The following ZNF534 variants were observed in gnomAD, a reference collection of about 807,000 sequenced individuals.
The protein encoded by ZNF534 is KRAB domain only 3.
A neutral mutation model predicts 13.6 loss-of-function variants in ZNF534; 19 were observed. The observed-to-expected ratio is 1.40, with a 90% CI of 0.97 to 2.05. The LOEUF (loss-of-function observed/expected upper bound fraction) is 2.05. Among genes scored for constraint, ZNF534 ranks in the 30% most tolerant of loss-of-function variants. The probability of loss-of-function intolerance (pLI) is 0.00; values close to 1 mark genes in which losing one functional copy is unlikely to be tolerated. For missense variants in ZNF534, 782 were observed against 796.3 expected (o/e 0.98, Z 0.22); for synonymous variants, 244 against 273.8 (o/e 0.89, Z 1.07).
At position 52,442,149 on chromosome 19, in the gene ZNF534, T is replaced by A. The variant is rs1283634979; in HGVS notation, c.*2703T>A. On this transcript the variant is annotated 3_prime_UTR_variant, in exon 5 of 5. Transcript: ENST00000433050. ...GAAAAGGATTTAATTATTGTTTTCTTTTTTCCTAAAAGTGTTGGGAACAGG... is the reference window on the plus strand; with the variant it reads ...GAAAAGGATTTAATTATTGTTTTCTATTTTCCTAAAAGTGTTGGGAACAGG... Among the ~76,000 whole-genome samples, 1 of 152,184 alleles carries A rather than the reference T, an allele frequency of 6.6e-6. No individual in the cohort carries two copies. The highest frequency in any genetic ancestry group is 1.5e-5 in the Non-Finnish European group (1 of 68,042).
At position 52,442,494 on chromosome 19, in the gene ZNF534, ACT is replaced by A. The variant is rs1491352362; in HGVS notation, c.*3051_*3052del. On this transcript the variant is annotated 3_prime_UTR_variant, in exon 5 of 5. Coordinates refer to ENST00000433050, the MANE Select transcript of ZNF534 (RefSeq NM_001143938.3). ...TGCTCTCAATAAATATGTGGGTCAA[ACT>A]CTGTTCATGGCTCTCAGCTCTGAAG... Among the ~76,000 whole-genome samples the A allele has an allele frequency of 2.6e-5, 4 of 152,332 alleles. No homozygotes were observed. In the South Asian group the frequency reaches 8.3e-4, roughly 32 times the overall value.
rs774033352 is a variant in ZNF534, at chr19:52,440,833, C to T, written c.*1387C>T. ...GGAAGCGTTACAAATGTAATGAATG[C>T]GGCAGAGCATTGAGAAGGTGTTCAG... is the stretch of plus-strand genomic sequence containing the variant. On this transcript the variant is annotated 3_prime_UTR_variant, in exon 5 of 5. Transcript: ENST00000433050. Among the ~76,000 whole-genome samples, 8 of 150,360 alleles carry T rather than the reference C, an allele frequency of 5.3e-5. No homozygotes were observed. Among genetic ancestry groups the T allele is most frequent in the South Asian group, 2.1e-4 (1 of 4,780 alleles).
At chr19:52,452,057 C>A in exon 5 of ZNF534, 1 of 182,268 alleles carries the variant, frequency 5.5e-6, no homozygotes, top group Non-Finnish European at 1.2e-5. Flanking sequence ...GCTTTACCTT[C>A]TAAAAGTACT....
chr19:52,438,792 C>T lies in ZNF534; in HGVS notation c.1332C>T (p.Gly444=), dbSNP rs113034684. The change falls in exon 5 of 5, where the codon GGC becomes GGT. Residue 444 remains glycine, a synonymous_variant. Coordinates refer to ENST00000433050, the MANE Select transcript of ZNF534 (RefSeq NM_001143938.3). The stretch of plus-strand genomic sequence containing the variant: ...AACCTTACGAATGTATAGACTGTGG[C>T]AAGGTCTTCAGGCACAAGTCTTCCC... The part of the protein sequence containing the change: ...GEKPYECIDC[G]KVFRHKSSLT... The T allele has an allele frequency of 1.4e-5, 22 of 1,609,562 alleles. No individual in the cohort carries two copies. The highest frequency in any genetic ancestry group is 1.2e-4 in the African/African-American group (9 of 74,702).
chr19:52,447,952 GA>G (rs2122726538), intron 4 of ZNF534, among the ~76,000 whole-genome samples: 1 of 151,754 alleles, frequency 6.6e-6, no homozygotes, highest in South Asian at 2.1e-4. Context: ...ATTAAGTTGG[GA>G]AGTAGTCCCT....
At position 52,441,136 on chromosome 19, in the gene ZNF534, C is replaced by A. The variant is rs529703265; in HGVS notation, c.*1690C>A. On this transcript the variant is annotated 3_prime_UTR_variant, in exon 5 of 5. Coordinates refer to ENST00000433050, the MANE Select transcript of ZNF534 (RefSeq NM_001143938.3). ...AGCCAGGCTGGTCTCGATCTCCTGA[C>A]CTTGTGATCCATCTGCCTTGGCCTC... Among the ~76,000 whole-genome samples the A allele has an allele frequency of 6.6e-6, 1 of 152,300 alleles. No homozygotes were observed. The highest frequency in any genetic ancestry group is 2.4e-5 in the African/African-American group (1 of 41,576).
chr19:52,430,978 G>T (rs1386739679), intron 1 of ZNF534, among the ~76,000 whole-genome samples: 2 of 152,086 alleles, frequency 1.3e-5, no homozygotes, highest in African/African-American at 4.8e-5. Flanking sequence ...AGCTTCCTGA[G>T]TAGCTGGGAT....
At chr19:52,451,580 C>A in exon 5 of ZNF534, 1 of 599,976 alleles carries the variant, frequency 1.7e-6, no homozygotes, top group Admixed American at 2.9e-5. Flanking sequence ...GCTCTCCGGG[C>A]ACGCGGGCTA....
At chr19:52,437,163 A>G (rs942937373) in intron 4 of ZNF534, among the ~76,000 whole-genome samples, 24 of 152,180 alleles carry the variant, frequency 1.6e-4, no homozygotes, top group Admixed American at 1.5e-3. Context: ...TAAGAGGCTT[A>G]TCCCTGCTTT....
intron 4 of ZNF534, among the ~76,000 whole-genome samples, chr19:52,451,024 T>C (rs2059212580): frequency 6.6e-6 from 1 of 152,088 alleles, no homozygotes; most frequent in Non-Finnish European, 1.5e-5. Context: ...AATAATGTCT[T>C]TTGATATTTT....
chr19:52,441,131 C>G lies in ZNF534; in HGVS notation c.*1685C>G, dbSNP rs2059170311. Among the ~76,000 whole-genome samples the G allele has an allele frequency of 6.6e-6, 1 of 152,158 alleles. No individual in the cohort carries two copies. The highest frequency in any genetic ancestry group is 1.5e-5 in the Non-Finnish European group (1 of 68,028). ...ATGTTAGCCAGGCTGGTCTCGATCT[C>G]CTGACCTTGTGATCCATCTGCCTTG... On this transcript the variant is annotated 3_prime_UTR_variant, in exon 5 of 5. Transcript: ENST00000433050.
intron 4 of ZNF534, among the ~76,000 whole-genome samples, chr19:52,436,019 C>G (rs1288221836): frequency 6.6e-6 from 1 of 150,524 alleles, no homozygotes; most frequent in African/African-American, 2.5e-5. Context: ...TCACTGCAAG[C>G]TCTGCCTCCT....
chr19:52,444,977 G>T (rs1216011286), downstream of ZNF534, among the ~76,000 whole-genome samples: 1 of 152,098 alleles, frequency 6.6e-6, no homozygotes, highest in Admixed American at 6.5e-5. Flanking sequence ...AGCCTGTGGA[G>T]TCTGCACACT....
At position 52,439,740 on chromosome 19, in the gene ZNF534, G is replaced by A. The variant is rs1360440570; in HGVS notation, c.*294G>A. On this transcript the variant is annotated 3_prime_UTR_variant, in exon 5 of 5. Coordinates refer to ENST00000433050, the MANE Select transcript of ZNF534 (RefSeq NM_001143938.3). ...CCACTGCACTCCAGCCTAGGTGACAGAGTGAAACTCCATCTCAAAAAAAGA... is the reference window on the plus strand; with the variant it reads ...CCACTGCACTCCAGCCTAGGTGACAAAGTGAAACTCCATCTCAAAAAAAGA... Among the ~76,000 whole-genome samples, 2 of 144,426 alleles carry A rather than the reference G, an allele frequency of 1.4e-5. No individual in the cohort carries two copies. Among genetic ancestry groups the A allele is most frequent in the Non-Finnish European group, 3.0e-5 (2 of 66,022 alleles). The allele number at this position is 144,426 out of a possible 152,430, so 94.7% of individuals were successfully genotyped here. A position where few individuals can be genotyped will look rare whatever the true frequency, so the allele number is the denominator to read the frequency against.
At chr19:52,449,539 AT>A (rs71180465) in intron 4 of ZNF534, among the ~76,000 whole-genome samples, 138,718 of 151,892 alleles carry the variant, frequency 0.91, 63,707 homozygotes, top group Non-Finnish European at 0.96. Context: ...AGCATTTGTT[AT>A]TTTTTTTTGT....
At chr19:52,430,357 A>T (rs2059079178) in intron 1 of ZNF534, among the ~76,000 whole-genome samples, 1 of 152,070 alleles carries the variant, frequency 6.6e-6, no homozygotes, top group African/African-American at 2.4e-5. Context: ...AAGCTGTAAC[A>T]TGGAGTCTTT....
At chr19:52,436,738 T>G (rs1353488039) in intron 4 of ZNF534, among the ~76,000 whole-genome samples, 1 of 152,224 alleles carries the variant, frequency 6.6e-6, no homozygotes, top group African/African-American at 2.4e-5. Context: ...AACCCCCTAA[T>G]GGATTTTTAC....
intron 2 of ZNF534, 37 bp from the exon 3 acceptor site, chr19:52,433,918 T>G: frequency 6.2e-7 from 1 of 1,612,462 alleles, no homozygotes; most frequent in Non-Finnish European, 8.5e-7. Flanking sequence ...AAGTACTCTC[T>G]CCATACCCTG....
chr19:52,439,913 A>T lies in ZNF534; in HGVS notation c.*467A>T, dbSNP rs1290139396. 6.6e-6 allele frequency among the ~76,000 whole-genome samples: 1 copy of T among 151,554 alleles called. No individual in the cohort carries two copies. The highest frequency in any genetic ancestry group is 1.5e-5 in the Non-Finnish European group (1 of 67,928). ...GAGAAACCCCATCTCTACTAAAAATACAAAATTAGCTGACTGAGGTGGCAG... is the reference window on the plus strand; with the variant it reads ...GAGAAACCCCATCTCTACTAAAAATTCAAAATTAGCTGACTGAGGTGGCAG... On this transcript the variant is annotated 3_prime_UTR_variant, in exon 5 of 5. Coordinates refer to ENST00000433050, the MANE Select transcript of ZNF534 (RefSeq NM_001143938.3).
Sources: gnomAD v4.1 joint callset for allele counts (sites outside exome capture counted in the v4.1 genomes callset) on GRCh38, gnomAD v4.1.1 for gene constraint, MANE v1.5 for transcripts, NCBI Gene and HGNC (gene_info 2026-07-23, HGNC 2026-07-21) for gene names.